The following PUM3 variants were observed in gnomAD, a reference collection of about 807,000 sequenced individuals.
PUM3 encodes pumilio RNA binding family member 3.
In PUM3, 91 loss-of-function variants were observed where a neutral mutation model predicts 84.0. The ratio of observed to expected loss-of-function variants is 1.08; its 90% confidence interval spans 0.91 to 1.29. The LOEUF is 1.29. Among genes scored for constraint, PUM3 ranks in the 50% most tolerant of loss-of-function variants. The pLI is 0.00. For synonymous variants in PUM3, 321 were observed against 266.7 expected (o/e 1.20, Z -1.98); for missense variants, 1,067 against 767.5 (o/e 1.39, Z -4.61).
At chr9:2,818,526 G>T (rs1199988911) in intron 13 of PUM3, among the ~76,000 whole-genome samples, 1 of 152,128 alleles carries the variant, frequency 6.6e-6, no homozygotes, top group African/African-American at 2.4e-5. Flanking sequence ...TTAAACAAAA[G>T]CAAACTTTCA....
intron 1 of PUM3, among the ~76,000 whole-genome samples, chr9:2,841,130 T>C (rs1487231288): frequency 6.6e-6 from 1 of 152,232 alleles, no homozygotes; most frequent in Non-Finnish European, 1.5e-5. Flanking sequence ...GTGAGCAACC[T>C]GCTTCCCACC....
At chr9:2,842,425 G>A (rs1385822696) in intron 1 of PUM3, among the ~76,000 whole-genome samples, 2 of 152,174 alleles carry the variant, frequency 1.3e-5, no homozygotes, top group African/African-American at 4.8e-5. Context: ...TTCAAAATGT[G>A]GTCTTAATTC....
chr9:2,812,387 AG>A, intron 13 of PUM3, 25 bp from the exon 14 acceptor site: 2 of 1,463,234 alleles, frequency 1.4e-6, no homozygotes, highest in Admixed American at 1.9e-5. Context: ...ACAAAAAAAA[AG>A]AATCAATATC....
At chr9:2,818,234 G>A (rs1821514301) in intron 13 of PUM3, among the ~76,000 whole-genome samples, 1 of 152,232 alleles carries the variant, frequency 6.6e-6, no homozygotes, top group Non-Finnish European at 1.5e-5. Context: ...ATAATACACA[G>A]AACCTGTTGA....
At position 2,807,425 on chromosome 9, in the gene PUM3, C is replaced by T. The variant is rs183687279; in HGVS notation, c.1814+389G>A. ...AGCCTGGCCAACACAGGGAGACCCCCATCTCTACAAAAAATAAAAAAATAA... is the reference window on the plus strand; with the variant it reads ...AGCCTGGCCAACACAGGGAGACCCCTATCTCTACAAAAAATAAAAAAATAA... On this transcript the variant is annotated intron_variant, in intron 17 of 17. Transcript: ENST00000397885. Among the ~76,000 whole-genome samples, 132 of 151,284 alleles carry T rather than the reference C, an allele frequency of 8.7e-4. No homozygotes were observed. In the Middle Eastern group the frequency reaches 0.024, roughly 27 times the overall value.
chr9:2,834,955 TG>T (rs1472121185), intron 3 of PUM3, among the ~76,000 whole-genome samples: 2 of 150,012 alleles, frequency 1.3e-5, no homozygotes, highest in East Asian at 3.9e-4. Flanking sequence ...CAGAATCTTT[TG>T]GGGGAATTAG....
chr9:2,831,413 C>A, intron 5 of PUM3, 69 bp from the exon 6 acceptor site: 2 of 968,798 alleles, frequency 2.1e-6, no homozygotes, highest in Admixed American at 2.3e-5. Flanking sequence ...TTTATTGTGA[C>A]CTCTTCTGGA....
At chr9:2,834,700 T>C (rs1483954286) in intron 3 of PUM3, among the ~76,000 whole-genome samples, 2 of 152,194 alleles carry the variant, frequency 1.3e-5, no homozygotes, top group African/African-American at 2.4e-5. Context: ...GCTCTCTATC[T>C]GAGGCCACAC....
intron 13 of PUM3, among the ~76,000 whole-genome samples, chr9:2,817,986 T>C (rs151067756): frequency 2.6e-4 from 39 of 152,318 alleles, no homozygotes; most frequent in Non-Finnish European, 5.3e-4. Flanking sequence ...TTTAGGAAAG[T>C]AGTAAGAAAG....
At chr9:2,838,586 AGTCATTGCCACATTTAGTC>A in intron 1 of PUM3, 69 bp from the exon 2 acceptor site, 1 of 911,608 alleles carries the variant, frequency 1.1e-6, no homozygotes, top group Non-Finnish European at 1.8e-6. Flanking sequence ...GCTGTTTCAT[AGTCATTGCCACATTTAGTC>A]CTTCAGTCTA....
intron 10 of PUM3, among the ~76,000 whole-genome samples, chr9:2,825,154 G>A (rs1444082837): frequency 6.6e-6 from 1 of 152,256 alleles, no homozygotes; most frequent in African/African-American, 2.4e-5. Flanking sequence ...AGGTGGTGGT[G>A]ATAAGAAGGG....
intron 2 of PUM3, 21 bp from the exon 3 acceptor site, chr9:2,837,422 A>C: frequency 1.3e-6 from 2 of 1,493,668 alleles, no homozygotes; most frequent in Non-Finnish European, 1.9e-6. Flanking sequence ...TAATAATTAT[A>C]AGTTCAATGA....
At chr9:2,804,867 G>C (rs528180439) in intron 17 of PUM3, among the ~76,000 whole-genome samples, 2 of 152,288 alleles carry the variant, frequency 1.3e-5, no homozygotes, top group Middle Eastern at 3.4e-3. Context: ...TACATTTACA[G>C]AGCAGACAGC....
chr9:2,843,468 A>G (rs1816320530), intron 1 of PUM3, among the ~76,000 whole-genome samples: 1 of 152,038 alleles, frequency 6.6e-6, no homozygotes, highest in South Asian at 2.1e-4. Flanking sequence ...TAGCACAGAC[A>G]GGCTGATCAG....
In PUM3 at chr9:2,812,333, T is replaced by G; in HGVS notation, c.1299A>C (p.Val433=). The change falls in exon 14 of 18, where the codon GTA becomes GTC. Residue 433 remains valine, a synonymous_variant. Coordinates refer to ENST00000397885, the MANE Select transcript of PUM3 (RefSeq NM_014878.5). ...SEIISSLPSI[V]NDKYGRKVLL... ...GGACCTTCCTTCCATATTTGTCATT[T>G]ACTATGCTAGGCAATGAACTGATAA... 1 of 1,590,798 alleles carries G rather than the reference T, an allele frequency of 6.3e-7. No individual in the cohort carries two copies. Among genetic ancestry groups the G allele is most frequent in the Non-Finnish European group, 8.6e-7 (1 of 1,159,066 alleles).
At chr9:2,824,044 ATAGGGTTAGGGT>A (rs374783967) in intron 11 of PUM3, among the ~76,000 whole-genome samples, 38 of 151,540 alleles carry the variant, frequency 2.5e-4, no homozygotes, top group Middle Eastern at 3.4e-3. Flanking sequence ...TGTGTATGTG[ATAGGGTTAGGGT>A]TAGGGTTAGG....
intron 1 of PUM3, among the ~76,000 whole-genome samples, chr9:2,843,591 T>C (rs1320208532): frequency 6.9e-6 from 1 of 145,280 alleles, no homozygotes; most frequent in African/African-American, 2.6e-5. Flanking sequence ...TTTTTTTTTT[T>C]TTTTTGAGAC....
intron 1 of PUM3, among the ~76,000 whole-genome samples, chr9:2,842,868 C>T (rs776140370): frequency 6.6e-6 from 1 of 152,158 alleles, no homozygotes; most frequent in Non-Finnish European, 1.5e-5. Flanking sequence ...TTTCCCTGCC[C>T]TATCGTCCTC....
intron 1 of PUM3, among the ~76,000 whole-genome samples, chr9:2,839,937 A>C (rs1816225625): frequency 6.6e-6 from 1 of 152,242 alleles, no homozygotes; most frequent in Non-Finnish European, 1.5e-5. Context: ...ACATACAGTT[A>C]ACTAAGCTAC....
Sources: allele counts gnomAD v4.1 joint callset (sites outside exome capture counted in the v4.1 genomes callset), GRCh38; gene constraint gnomAD v4.1.1; transcripts MANE v1.5; gene names NCBI Gene and HGNC (gene_info 2026-07-23, HGNC 2026-07-21).